PCDHA5: variants seen among roughly 807,000 people sequenced by gnomAD.
PCDHA5 encodes protocadherin alpha-5.
Under a neutral mutation model 61.6 loss-of-function variants are expected in PCDHA5, and 43 were observed. The observed-to-expected ratio is 0.70, with a 90% CI of 0.55 to 0.90. The LOEUF (loss-of-function observed/expected upper bound fraction) is 0.90, where lower values mean the gene tolerates loss of function less well. PCDHA5 is among the 40% of genes least tolerant of loss of function. PCDHA5 has a pLI of 0.00. For missense variants in PCDHA5, 1,298 were observed against 1,222.7 expected (o/e 1.06, Z -0.92); for synonymous variants, 627 against 543.9 (o/e 1.15, Z -2.13).
At chr5:140,948,708 C>T (rs1376587735) in intron 1 of PCDHA5, among the ~76,000 whole-genome samples, 1 of 151,114 alleles carries the variant, frequency 6.6e-6, no homozygotes, top group Non-Finnish European at 1.5e-5. Flanking sequence ...TGTGTTCTAT[C>T]CTCTTTTTTA....
intron 1 of PCDHA5, chr5:140,829,512 T>C: frequency 6.2e-7 from 1 of 1,613,516 alleles, no homozygotes. Flanking sequence ...GGCTGCCACA[T>C]CTTCACGGTG....
chr5:140,982,772 A>T (rs144366377), intron 3 of PCDHA5, among the ~76,000 whole-genome samples: 67 of 152,052 alleles, frequency 4.4e-4, no homozygotes, highest in African/African-American at 1.5e-3. Context: ...TAACAAGGAA[A>T]GTGTGTGTGC....
chr5:140,873,412 T>C (rs2054273798), intron 1 of PCDHA5, among the ~76,000 whole-genome samples: 1 of 152,210 alleles, frequency 6.6e-6, no homozygotes, highest in Non-Finnish European at 1.5e-5. Context: ...GGTTAAAATT[T>C]TGTAAATTAT....
chr5:140,912,900 T>A (rs979059809), intron 1 of PCDHA5, among the ~76,000 whole-genome samples: 1 of 152,264 alleles, frequency 6.6e-6, no homozygotes, highest in Non-Finnish European at 1.5e-5. Context: ...ATATGATGTA[T>A]CATATTGATT....
intron 1 of PCDHA5, chr5:140,882,976 T>G: frequency 1.2e-6 from 2 of 1,614,220 alleles, no homozygotes; most frequent in Non-Finnish European, 1.7e-6. Flanking sequence ...TGGACGTGAA[T>G]GACAACGCCC....
At chr5:140,938,251 A>C (rs1015321564) in intron 1 of PCDHA5, among the ~76,000 whole-genome samples, 4 of 152,176 alleles carry the variant, frequency 2.6e-5, no homozygotes, top group Non-Finnish European at 5.9e-5. Context: ...TGGTCTTTTA[A>C]AAACTTTCTA....
At chr5:141,001,705 G>A (rs2098033380) in intron 3 of PCDHA5, among the ~76,000 whole-genome samples, 1 of 152,194 alleles carries the variant, frequency 6.6e-6, no homozygotes, top group African/African-American at 2.4e-5. Context: ...GAAATAGGGG[G>A]CGGGGAAGGA....
In PCDHA5 at chr5:140,946,631, T is replaced by TATATATATATATACAC. The variant is rs57893927; in HGVS notation, c.2353-32317_2353-32316insTATATATATATACACA. ...TGTGAAATATATATATATATATATA[T>TATATATATATATACAC]ACAATGGAATACTCATCAGCCATTA... On this transcript the variant is annotated intron_variant, in intron 1 of 3. Coordinates refer to ENST00000529859, the MANE Select transcript of PCDHA5 (RefSeq NM_018908.3). Among the ~76,000 whole-genome samples the TATATATATATATACAC allele has an allele frequency of 4.3e-4, 57 of 131,850 alleles. 1 individual carries two copies. Among genetic ancestry groups the TATATATATATATACAC allele is most frequent in the East Asian group, 1.6e-3 (8 of 4,866 alleles). The allele number at this position is 131,850 out of a possible 152,430, so 86.5% of individuals were successfully genotyped here.
chr5:140,902,413 C>T (rs2069433988), intron 1 of PCDHA5, among the ~76,000 whole-genome samples: 1 of 152,014 alleles, frequency 6.6e-6, no homozygotes, highest in African/African-American at 2.4e-5. Context: ...TGTTGAATAA[C>T]AGTGGTGAAA....
intron 1 of PCDHA5, chr5:140,876,078 A>C (rs2056099570): frequency 6.2e-7 from 1 of 1,613,868 alleles, no homozygotes; most frequent in Non-Finnish European, 8.5e-7. Flanking sequence ...TATTGGACAG[A>C]GAGCAAACGC....
intron 1 of PCDHA5, chr5:140,828,046 T>C (rs1305424229): frequency 5.8e-6 from 9 of 1,542,498 alleles, no homozygotes; most frequent in Non-Finnish European, 7.0e-6. Flanking sequence ...TATTTTATCT[T>C]TATGCGGAAG....
Position 140,966,227 on chromosome 5 carries a change from A to T in PCDHA5, c.2353-12722A>T, listed in dbSNP as rs556655692. The T allele has an allele frequency of 3.7e-5, 10 of 270,804 alleles. No individual in the cohort carries two copies. The South Asian group carries it at 1.7e-3, about 46-fold the overall frequency. 16.8% of individuals were successfully genotyped at this position (270,804 alleles called of 1,614,324 possible). On this transcript the variant is annotated intron_variant, in intron 1 of 3. Coordinates refer to ENST00000529859, the MANE Select transcript of PCDHA5 (RefSeq NM_018908.3). ...CTGCTTTTCCCAGACTAATCTCCTT[A>T]AAGACCCGTTAAGCAGGGGAGAGAC...
chr5:140,987,481 G>T (rs1244029095), intron 3 of PCDHA5, among the ~76,000 whole-genome samples: 1 of 152,170 alleles, frequency 6.6e-6, no homozygotes, highest in Non-Finnish European at 1.5e-5. Flanking sequence ...TTGGGAGTCA[G>T]TGACCCTTTC....
At chr5:140,838,340 T>G (rs1451086818) in intron 1 of PCDHA5, among the ~76,000 whole-genome samples, 1 of 149,952 alleles carries the variant, frequency 6.7e-6, no homozygotes, top group Non-Finnish European at 1.5e-5. Context: ...CCCCGGCTGG[T>G]CTCGAAATCT....
intron 1 of PCDHA5, chr5:140,835,435 C>G (rs782068094): frequency 6.2e-7 from 1 of 1,613,788 alleles, no homozygotes; most frequent in Non-Finnish European, 8.5e-7. Context: ...CCACAGTTGA[C>G]TCTCACTTCC....
At chr5:140,952,445 G>A (rs1187543872) in intron 1 of PCDHA5, among the ~76,000 whole-genome samples, 1 of 152,002 alleles carries the variant, frequency 6.6e-6, no homozygotes, top group Non-Finnish European at 1.5e-5. Flanking sequence ...GCATAATACA[G>A]CCAGGCTCTT....
intron 1 of PCDHA5, chr5:140,825,445 T>C (rs1389110393): frequency 1.3e-5 from 2 of 148,158 alleles, no homozygotes; most frequent in Non-Finnish European, 3.0e-5. Context: ...AATAATAATA[T>C]ATATCAGATA....
chr5:140,973,073 C>T (rs1372527958), intron 1 of PCDHA5, among the ~76,000 whole-genome samples: 1 of 151,988 alleles, frequency 6.6e-6, no homozygotes, highest in Non-Finnish European at 1.5e-5. Context: ...TCTCAGTGGG[C>T]CCAGCTGGCA....
intron 1 of PCDHA5, among the ~76,000 whole-genome samples, chr5:140,930,805 A>T (rs2087129378): frequency 6.6e-6 from 1 of 152,218 alleles, no homozygotes; most frequent in Non-Finnish European, 1.5e-5. Flanking sequence ...CCAGCATATA[A>T]GATATGCTTA....
Sources: gnomAD v4.1 joint callset for allele counts (sites outside exome capture counted in the v4.1 genomes callset) on GRCh38, gnomAD v4.1.1 for gene constraint, MANE v1.5 for transcripts, NCBI Gene and HGNC (gene_info 2026-07-23, HGNC 2026-07-21) for gene names.